Variants in DLG2 observed in about 807,000 individuals in gnomAD.
DLG2 encodes disks large homolog 2.
In DLG2, 45 loss-of-function variants were observed where a neutral mutation model predicts 132.5. That is an observed-to-expected ratio of 0.34 (90% CI 0.27 to 0.44). The LOEUF is 0.44. Ranked by LOEUF, DLG2 falls within the 20% of genes least tolerant of loss-of-function variation. DLG2 has a pLI of 1.00. For missense variants in DLG2, 1,045 were observed against 1,196.9 expected, an observed-to-expected ratio of 0.87 and a Z score of 1.87; for synonymous variants, 424 against 419.6, an observed-to-expected ratio of 1.01 and a Z score of -0.13.
chr11:84,247,580 A>T (rs1182787714), intron 8 of DLG2, among the ~76,000 whole-genome samples: 1 of 152,120 alleles, frequency 6.6e-6, no homozygotes, highest in African/African-American at 2.4e-5. Context: ...CCCAACCCTA[A>T]TATATCATGA....
chr11:84,306,362 C>A (rs2098218366), intron 7 of DLG2, among the ~76,000 whole-genome samples: 1 of 152,040 alleles, frequency 6.6e-6, no homozygotes, highest in African/African-American at 2.4e-5. Flanking sequence ...TCTTTACTTG[C>A]ATATTTGCAG....
At chr11:83,523,133 C>T (rs1399731910) in intron 21 of DLG2, among the ~76,000 whole-genome samples, 3 of 152,104 alleles carry the variant, frequency 2.0e-5, no homozygotes, top group Non-Finnish European at 2.9e-5. Context: ...GCAAGCTCAA[C>T]GGTATGACTG....
intron 6 of DLG2, among the ~76,000 whole-genome samples, chr11:85,102,701 T>C (rs2071074757): frequency 6.6e-6 from 1 of 152,012 alleles, no homozygotes. Flanking sequence ...AAAGACTGAA[T>C]ACTTTCCATC....
chr11:84,276,268 G>T (rs1567154184), intron 7 of DLG2, among the ~76,000 whole-genome samples: 1 of 152,110 alleles, frequency 6.6e-6, no homozygotes, highest in Non-Finnish European at 1.5e-5. Context: ...GGAGGCCCTA[G>T]GTGGCTCAAT....
chr11:85,038,304 A>AT (rs1214209677), intron 6 of DLG2, among the ~76,000 whole-genome samples: 4 of 151,854 alleles, frequency 2.6e-5, no homozygotes, highest in African/African-American at 9.7e-5. Context: ...ACTTAATCCC[A>AT]TTTTTTTTCA....
intron 6 of DLG2, among the ~76,000 whole-genome samples, chr11:84,906,077 G>A (rs936537476): frequency 3.9e-5 from 6 of 151,940 alleles, no homozygotes; most frequent in African/African-American, 9.7e-5. Context: ...GAGTCACATG[G>A]CATAGCTAGA....
chr11:84,210,719 A>C (rs1238824420), intron 8 of DLG2, among the ~76,000 whole-genome samples: 4 of 152,162 alleles, frequency 2.6e-5, no homozygotes, highest in African/African-American at 9.6e-5. Flanking sequence ...CTTAAAAAAC[A>C]TGTTGAGTGA....
intron 3 of DLG2, among the ~76,000 whole-genome samples, chr11:85,285,888 G>C (rs569848758): frequency 1.2e-4 from 18 of 151,944 alleles, no homozygotes; most frequent in African/African-American, 4.1e-4. Flanking sequence ...ATACTGTAGT[G>C]TTGGACACAT....
At chr11:83,641,891 G>A (rs200905331) in intron 18 of DLG2, among the ~76,000 whole-genome samples, 5 of 135,780 alleles carry the variant, frequency 3.7e-5, no homozygotes, top group Non-Finnish European at 4.9e-5. Context: ...GTGTGTGTGT[G>A]TATGTGTGTT....
intron 4 of DLG2, among the ~76,000 whole-genome samples, chr11:85,281,569 T>C (rs1019305756): frequency 5.3e-5 from 8 of 152,036 alleles, no homozygotes; most frequent in South Asian, 2.1e-4. Context: ...AACTCATTCA[T>C]ATGCTCAAAA....
chr11:84,245,786 C>A (rs2097295085), intron 8 of DLG2, among the ~76,000 whole-genome samples: 1 of 152,108 alleles, frequency 6.6e-6, no homozygotes, highest in Non-Finnish European at 1.5e-5. Context: ...AAGATTTTTT[C>A]TTTTATATCT....
chr11:83,525,768 TA>T (rs1226064388), intron 21 of DLG2, among the ~76,000 whole-genome samples: 1 of 152,194 alleles, frequency 6.6e-6, no homozygotes, highest in Non-Finnish European at 1.5e-5. Context: ...CCGGCTCCAT[TA>T]AAGAGCTTTC....
chr11:85,088,265 G>A (rs1485185062), intron 6 of DLG2, among the ~76,000 whole-genome samples: 3 of 152,142 alleles, frequency 2.0e-5, no homozygotes, highest in Non-Finnish European at 4.4e-5. Flanking sequence ...CTGAGCAATG[G>A]GAAAGGTCTT....
chr11:83,968,001 C>T (rs1252956445), intron 12 of DLG2, among the ~76,000 whole-genome samples: 1 of 152,198 alleles, frequency 6.6e-6, no homozygotes, highest in Admixed American at 6.6e-5. Context: ...CTCTTATTTT[C>T]TTTGTCAAAA....
intron 3 of DLG2, among the ~76,000 whole-genome samples, chr11:85,388,033 C>T (rs1175490328): frequency 3.3e-5 from 5 of 152,158 alleles, no homozygotes; most frequent in Non-Finnish European, 5.9e-5. Context: ...AGCTGGGAGG[C>T]TTGTAGCCTG....
intron 7 of DLG2, among the ~76,000 whole-genome samples, chr11:84,321,987 T>C (rs1219878971): frequency 6.6e-6 from 1 of 152,190 alleles, no homozygotes; most frequent in African/African-American, 2.4e-5. Flanking sequence ...AAAACAAGAA[T>C]TACACTATAA....
At chr11:85,339,281 G>C (rs1014134427) in intron 3 of DLG2, among the ~76,000 whole-genome samples, 1 of 152,028 alleles carries the variant, frequency 6.6e-6, no homozygotes, top group Non-Finnish European at 1.5e-5. Context: ...TAAGTTGTTT[G>C]CAATTTTTTA....
At chr11:84,114,434 T>C (rs1165988673) in intron 9 of DLG2, among the ~76,000 whole-genome samples, 2 of 152,286 alleles carry the variant, frequency 1.3e-5, no homozygotes, top group East Asian at 3.9e-4. Context: ...TTGACTATCA[T>C]CCATTTTTCT....
intron 4 of DLG2, among the ~76,000 whole-genome samples, chr11:85,284,441 A>C (rs900204949): frequency 6.6e-6 from 1 of 151,926 alleles, no homozygotes; most frequent in African/African-American, 2.4e-5. Flanking sequence ...TGTAGCTTCC[A>C]AAACATCGAG....
Sources: allele counts gnomAD v4.1 joint callset (sites outside exome capture counted in the v4.1 genomes callset), GRCh38; gene constraint gnomAD v4.1.1; transcripts MANE v1.5; gene names NCBI Gene and HGNC (gene_info 2026-07-23, HGNC 2026-07-21).